The following NRXN3 variants were observed in gnomAD, a reference collection of about 807,000 sequenced individuals.
NRXN3 encodes neurexin 3, also known as neurexin III.
A neutral mutation model predicts 137.6 loss-of-function variants in NRXN3; 32 were observed. The observed-to-expected ratio is 0.23, with a 90% CI of 0.18 to 0.31. The LOEUF (loss-of-function observed/expected upper bound fraction) is 0.31. NRXN3 is among the 10% of genes least tolerant of loss of function. The pLI, the probability that NRXN3 is intolerant of heterozygous loss-of-function variation, is 1.00. For missense variants in NRXN3, 1,574 were observed against 2,062.5 expected, an observed-to-expected ratio of 0.76 and a Z score of 4.59; for synonymous variants, 798 against 784.5, an observed-to-expected ratio of 1.02 and a Z score of -0.29.
At chr14:78,485,476 C>T (rs17107749) in intron 4 of NRXN3, among the ~76,000 whole-genome samples, 8,486 of 152,258 alleles carry the variant, frequency 0.056, 540 homozygotes, top group East Asian at 0.31. Flanking sequence ...TGTCCAAGCA[C>T]TGTAGAATAA....
At chr14:78,682,724 G>A (rs1262366943) in intron 6 of NRXN3, among the ~76,000 whole-genome samples, 1 of 152,064 alleles carries the variant, frequency 6.6e-6, no homozygotes, top group Non-Finnish European at 1.5e-5. Context: ...GGGGAATTGG[G>A]GTGGGGCTTG....
At chr14:78,770,087 CATTT>C (rs1004809670) in intron 8 of NRXN3, among the ~76,000 whole-genome samples, 1 of 152,088 alleles carries the variant, frequency 6.6e-6, no homozygotes, top group African/African-American at 2.4e-5. Context: ...TTAGTGACAA[CATTT>C]ATTAACACAA....
At chr14:78,183,514 A>C (rs1362040140) in intron 1 of NRXN3, among the ~76,000 whole-genome samples, 2 of 152,186 alleles carry the variant, frequency 1.3e-5, no homozygotes, top group Non-Finnish European at 2.9e-5. Flanking sequence ...AAGAAAGAGA[A>C]AGGAGATGTG....
intron 1 of NRXN3, among the ~76,000 whole-genome samples, chr14:78,219,302 T>C (rs2063598315): frequency 6.6e-6 from 1 of 152,164 alleles, no homozygotes; most frequent in African/African-American, 2.4e-5. Flanking sequence ...GTTAGTAGGA[T>C]TGGAAAATTA....
intron 15 of NRXN3, among the ~76,000 whole-genome samples, chr14:79,315,785 C>A (rs1048209663): frequency 1.3e-5 from 2 of 152,112 alleles, no homozygotes; most frequent in African/African-American, 2.4e-5. Flanking sequence ...GTTAGCCTAG[C>A]CAGAACGAGC....
At chr14:79,475,743 T>C (rs906964410) in intron 16 of NRXN3, among the ~76,000 whole-genome samples, 13 of 152,250 alleles carry the variant, frequency 8.5e-5, no homozygotes, top group Admixed American at 3.9e-4. Context: ...AAACTTGTTA[T>C]ATTTTATTTT....
At chr14:79,855,047 T>C (rs1213977540) in intron 20 of NRXN3, among the ~76,000 whole-genome samples, 1 of 152,138 alleles carries the variant, frequency 6.6e-6, no homozygotes, top group African/African-American at 2.4e-5. Context: ...CTCTTCTCCT[T>C]TTCCCTTTTT....
intron 1 of NRXN3, among the ~76,000 whole-genome samples, chr14:78,224,116 C>G (rs1214024388): frequency 2.0e-5 from 3 of 152,040 alleles, no homozygotes; most frequent in African/African-American, 7.2e-5. Flanking sequence ...TGTTTAAAAT[C>G]TTCCAACAGC....
rs77176718 is a variant in NRXN3 at position 78,369,841 on chromosome 14, G to T, written c.757+71981G>T. ...GAAGAATGTGTAAGCAAAAGCCAAAGACACTGTGGAAAAAGTGAAACTCAA... is the reference window on the plus strand; with the variant it reads ...GAAGAATGTGTAAGCAAAAGCCAAATACACTGTGGAAAAAGTGAAACTCAA... On this transcript the variant is annotated intron_variant, in intron 4 of 20. Transcript: ENST00000335750. Among the ~76,000 whole-genome samples the T allele has an allele frequency of 3.4e-3, 502 of 149,130 alleles. 8 individuals carry two copies. The highest frequency in any genetic ancestry group is 0.012 in the African/African-American group (481 of 40,482).
At chr14:79,448,321 C>T (rs561103168) in intron 15 of NRXN3, among the ~76,000 whole-genome samples, 7 of 152,272 alleles carry the variant, frequency 4.6e-5, no homozygotes, top group East Asian at 1.9e-4. Context: ...TCTAAACAGC[C>T]CTCCCCCATC....
At chr14:79,493,603 T>A (rs1045067637) in intron 16 of NRXN3, among the ~76,000 whole-genome samples, 5 of 152,204 alleles carry the variant, frequency 3.3e-5, no homozygotes, top group Admixed American at 2.6e-4. Context: ...TAGTCTGAAA[T>A]ACACTCTATC....
chr14:79,633,918 C>G (rs2098381789), intron 16 of NRXN3, among the ~76,000 whole-genome samples: 1 of 152,134 alleles, frequency 6.6e-6, no homozygotes, highest in Non-Finnish European at 1.5e-5. Flanking sequence ...CCACGAAGCT[C>G]TGCCATCTGA....
At chr14:78,793,887 G>A (rs2098813128) in intron 8 of NRXN3, among the ~76,000 whole-genome samples, 1 of 152,142 alleles carries the variant, frequency 6.6e-6, no homozygotes, top group Non-Finnish European at 1.5e-5. Context: ...AGCTGGTGAA[G>A]GGCCAGTCGT....
chr14:79,560,511 T>TTTTTTTTTTTTG (rs2097484010), intron 16 of NRXN3, among the ~76,000 whole-genome samples: 1 of 118,546 alleles, frequency 8.4e-6, no homozygotes, highest in Non-Finnish European at 1.8e-5. Context: ...AAGCTTTTTT[T>TTTTTTTTTTTTG]TTTTTTTTTT....
chr14:78,696,683 G>T (rs2098229415), intron 6 of NRXN3, among the ~76,000 whole-genome samples: 1 of 152,066 alleles, frequency 6.6e-6, no homozygotes, highest in Admixed American at 6.6e-5. Context: ...ACCTTGGAAA[G>T]TTCTGGGTAA....
intron 16 of NRXN3, among the ~76,000 whole-genome samples, chr14:79,634,666 C>T (rs1364095479): frequency 1.3e-5 from 2 of 152,136 alleles, no homozygotes; most frequent in African/African-American, 4.8e-5. Flanking sequence ...GAGCTATATG[C>T]CCTCTGGGTT....
intron 16 of NRXN3, among the ~76,000 whole-genome samples, chr14:79,490,379 C>T (rs1170734278): frequency 6.6e-6 from 1 of 152,138 alleles, no homozygotes; most frequent in Non-Finnish European, 1.5e-5. Context: ...TTTGTTGCAG[C>T]ACTTTTCACA....
intron 15 of NRXN3, among the ~76,000 whole-genome samples, chr14:79,464,073 AG>A (rs547840443): frequency 1.6e-3 from 248 of 152,340 alleles, no homozygotes; most frequent in Non-Finnish European, 2.7e-3. Flanking sequence ...TGAAATGTAA[AG>A]AGAAAAAACA....
intron 15 of NRXN3, among the ~76,000 whole-genome samples, chr14:79,430,350 T>G (rs1166003858): frequency 6.6e-6 from 1 of 152,164 alleles, no homozygotes; most frequent in Non-Finnish European, 1.5e-5. Flanking sequence ...GAGGTCATGT[T>G]TTGTTGTATC....
Sources: allele counts gnomAD v4.1 joint callset (sites outside exome capture counted in the v4.1 genomes callset), GRCh38; gene constraint gnomAD v4.1.1; transcripts MANE v1.5; gene names NCBI Gene and HGNC (gene_info 2026-07-23, HGNC 2026-07-21).